Variants in TMEM207 observed in about 807,000 individuals in gnomAD.
TMEM207 encodes the protein transmembrane protein 207, also known as SRSR846.
In TMEM207, 15 loss-of-function variants were observed where a neutral mutation model predicts 17.4. The observed-to-expected ratio is 0.86, with a 90% CI of 0.58 to 1.33. TMEM207 has a LOEUF of 1.33. Among genes scored for constraint, TMEM207 ranks in the 40% most tolerant of loss-of-function variants. The pLI is 0.00. For missense variants in TMEM207, 205 were observed against 173.8 expected, an observed-to-expected ratio of 1.18 and a Z score of -1.01; for synonymous variants, 70 against 65.6, an observed-to-expected ratio of 1.07 and a Z score of -0.33.
At chr3:190,432,289 C>A (rs1719707738) in intron 4 of TMEM207, among the ~76,000 whole-genome samples, 1 of 152,278 alleles carries the variant, frequency 6.6e-6, no homozygotes, top group Non-Finnish European at 1.5e-5. Context: ...TCATTCCTTT[C>A]TCTTCTATGG....
chr3:190,437,268 C>T (rs1168947250), intron 4 of TMEM207, among the ~76,000 whole-genome samples: 4 of 152,098 alleles, frequency 2.6e-5, no homozygotes, highest in South Asian at 2.1e-4. Flanking sequence ...ACTTAGTGTC[C>T]AGGGATGGGC....
chr3:190,443,126 C>T (rs1453597976), intron 2 of TMEM207, among the ~76,000 whole-genome samples: 2 of 150,836 alleles, frequency 1.3e-5, no homozygotes, highest in African/African-American at 4.9e-5. Context: ...CTCTTGGTGT[C>T]CTGACACAAT....
At chr3:190,436,566 A>T (rs890630096) in intron 4 of TMEM207, among the ~76,000 whole-genome samples, 6 of 151,998 alleles carry the variant, frequency 3.9e-5, no homozygotes, top group Non-Finnish European at 7.4e-5. Context: ...TGTGGTTTTG[A>T]CCCTCACCTC....
At chr3:190,435,708 C>T (rs1232842940) in intron 4 of TMEM207, among the ~76,000 whole-genome samples, 8 of 152,164 alleles carry the variant, frequency 5.3e-5, no homozygotes, top group Non-Finnish European at 1.0e-4. Context: ...GGAAGGAAGA[C>T]CAGTTATCTA....
At chr3:190,433,608 C>A (rs756354005) in intron 4 of TMEM207, among the ~76,000 whole-genome samples, 3 of 152,050 alleles carry the variant, frequency 2.0e-5, no homozygotes, top group Non-Finnish European at 1.5e-5. Flanking sequence ...TTTTTCTCAA[C>A]CTTTACTAAA....
chr3:190,447,945 AGCTCT>A, intron 1 of TMEM207, 118 bp from the exon 2 acceptor site: 2 of 891,268 alleles, frequency 2.2e-6, no homozygotes, highest in Non-Finnish European at 3.3e-6. Context: ...TTTAATTAAA[AGCTCT>A]ATAGCAGAGT....
At chr3:190,429,831 G>T (rs1577440910) in intron 4 of TMEM207, 100 bp from the exon 5 acceptor site, 2 of 1,345,322 alleles carry the variant, frequency 1.5e-6, no homozygotes, top group East Asian at 2.5e-5. Context: ...GATCGCTGAA[G>T]CAACAGAAAA....
Position 190,429,539 on chromosome 3 carries a change from A to C in TMEM207, c.*56T>G. 1 of 1,592,816 alleles carries C rather than the reference A, an allele frequency of 6.3e-7. No homozygotes were observed. The highest frequency in any genetic ancestry group is 1.7e-4 in the Middle Eastern group (1 of 5,954). The stretch of plus-strand genomic sequence containing the variant: ...ACTGAAATAACTATTCCTAAATTTG[A>C]TGTTTTGGAATTACAGATGTCGTTA... On this transcript the variant is annotated 3_prime_UTR_variant, in exon 5 of 5. Coordinates refer to ENST00000354905, the MANE Select transcript of TMEM207 (RefSeq NM_207316.3).
chr3:190,441,362 A>C, intron 3 of TMEM207, 76 bp downstream of exon 3: 1 of 1,152,534 alleles, frequency 8.7e-7, no homozygotes, highest in Non-Finnish European at 1.3e-6. Flanking sequence ...GATTTCATGT[A>C]CCATCTCAAA....
chr3:190,435,115 C>G (rs80345265), intron 4 of TMEM207, among the ~76,000 whole-genome samples: 5,849 of 152,170 alleles, frequency 0.038, 296 homozygotes, highest in African/African-American at 0.11. Context: ...CCCAAGAGAG[C>G]AGCTGTATTA....
At chr3:190,429,789 A>G in intron 4 of TMEM207, 58 bp from the exon 5 acceptor site, 1 of 1,483,416 alleles carries the variant, frequency 6.7e-7, no homozygotes, top group Non-Finnish European at 9.0e-7. Context: ...ACATAAGTAC[A>G]TGAACTGCCC....
chr3:190,444,337 G>A lies in TMEM207; in HGVS notation c.114-2855C>T. On this transcript the variant is annotated intron_variant, in intron 2 of 4. Transcript: ENST00000354905. Reference sequence around the variant, plus strand: ...AGCATAGCTGGAAGTGGTAGAAGTAGGTTTTCAACCCAAATGCTCTGTCTG... The same window carrying A: ...AGCATAGCTGGAAGTGGTAGAAGTAAGTTTTCAACCCAAATGCTCTGTCTG... 7 of 826,342 alleles carry A rather than the reference G, an allele frequency of 8.5e-6. No individual in the cohort carries two copies. The South Asian group carries it at 3.3e-4, about 39-fold the overall frequency. 51.2% of individuals were successfully genotyped at this position (826,342 alleles called of 1,614,324 possible). A position where few individuals can be genotyped will look rare whatever the true frequency, so the allele number is the denominator to read the frequency against.
chr3:190,436,577 C>T (rs1398000455), intron 4 of TMEM207, among the ~76,000 whole-genome samples: 1 of 152,198 alleles, frequency 6.6e-6, no homozygotes, highest in Non-Finnish European at 1.5e-5. Flanking sequence ...CCCTCACCTC[C>T]TTCTGTAGCC....
intron 2 of TMEM207, among the ~76,000 whole-genome samples, chr3:190,445,345 G>T (rs1720021915): frequency 6.6e-6 from 1 of 152,086 alleles, no homozygotes; most frequent in South Asian, 2.1e-4. Context: ...GATAAGAGGG[G>T]CTCTGTCATG....
chr3:190,439,176 C>CA (rs772313119), intron 4 of TMEM207, among the ~76,000 whole-genome samples: 20,303 of 58,302 alleles, frequency 0.35, 4,070 homozygotes, highest in African/African-American at 0.4. Flanking sequence ...GACTCCGTCT[C>CA]AAAAAAAAAA....
intron 4 of TMEM207, among the ~76,000 whole-genome samples, chr3:190,430,188 C>G (rs1373462925): frequency 6.6e-6 from 1 of 151,896 alleles, no homozygotes; most frequent in Non-Finnish European, 1.5e-5. Flanking sequence ...CTTTAGTAAA[C>G]AGTAAAAATG....
chr3:190,435,880 T>A (rs957928365), intron 4 of TMEM207, among the ~76,000 whole-genome samples: 3 of 152,236 alleles, frequency 2.0e-5, no homozygotes, highest in Admixed American at 2.0e-4. Flanking sequence ...CTTACATACC[T>A]TTATAAGGAT....
chr3:190,433,297 C>T (rs537217761), intron 4 of TMEM207, among the ~76,000 whole-genome samples: 136 of 152,036 alleles, frequency 8.9e-4, no homozygotes, highest in African/African-American at 3.0e-3. Flanking sequence ...TTAATAAAAC[C>T]TTATTGTCAT....
chr3:190,432,214 TC>T (rs1719706140), intron 4 of TMEM207, among the ~76,000 whole-genome samples: 1 of 152,378 alleles, frequency 6.6e-6, no homozygotes, highest in South Asian at 2.1e-4. Flanking sequence ...TTTTTAAGAA[TC>T]ACTCAAATAG....
Sources: gnomAD v4.1 joint callset for allele counts (sites outside exome capture counted in the v4.1 genomes callset) on GRCh38, gnomAD v4.1.1 for gene constraint, MANE v1.5 for transcripts, NCBI Gene and HGNC (gene_info 2026-07-23, HGNC 2026-07-21) for gene names.